The following SUPT3H variants were observed in gnomAD, a reference collection of about 807,000 sequenced individuals.
The protein encoded by SUPT3H is SPT3 homolog, SAGA and STAGA complex component.
SUPT3H carries 44 observed loss-of-function variants against 44.3 expected under a neutral mutation model. That is an observed-to-expected ratio of 0.99 (90% CI 0.78 to 1.28). The LOEUF is 1.28. Ranked by LOEUF, SUPT3H falls within the 50% of genes most tolerant of loss-of-function variation. SUPT3H has a pLI of 0.00. For missense variants in SUPT3H, 380 were observed against 387.1 expected, an observed-to-expected ratio of 0.98 and a Z score of 0.15; for synonymous variants, 124 against 125.6, an observed-to-expected ratio of 0.99 and a Z score of 0.09.
chr6:45,251,395 G>GCACACACA lies in SUPT3H; in HGVS notation c.101+113798_101+113805dup, dbSNP rs70996313. On this transcript the variant is annotated intron_variant, in intron 2 of 10. Coordinates refer to ENST00000371459, the MANE Select transcript of SUPT3H (RefSeq NM_003599.4). Reference sequence around the variant, plus strand: ...TTCTAAATGACTAAGAAGAGAAGCTGCACACACACACACACACACACACAC... The same window carrying GCACACACA: ...TTCTAAATGACTAAGAAGAGAAGCTGCACACACACACACACACACACACACACACACAC... 1.0e-3 allele frequency among the ~76,000 whole-genome samples: 146 copies of GCACACACA among 144,970 alleles called. 2 individuals are homozygous for GCACACACA. The highest frequency in any genetic ancestry group is 9.8e-3 in the South Asian group (44 of 4,490).
intron 2 of SUPT3H, among the ~76,000 whole-genome samples, chr6:45,126,384 C>T (rs988860646): frequency 3.3e-5 from 5 of 152,106 alleles, no homozygotes; most frequent in Non-Finnish European, 5.9e-5. Flanking sequence ...CTTTGGACTC[C>T]TTTAGAACTG....
intron 2 of SUPT3H, among the ~76,000 whole-genome samples, chr6:45,255,259 G>C (rs1309911641): frequency 6.6e-6 from 1 of 152,146 alleles, no homozygotes; most frequent in East Asian, 1.9e-4. Context: ...CGGATAATGG[G>C]GGACTATGAT....
At chr6:45,327,161 A>C (rs1584927076) in intron 2 of SUPT3H, among the ~76,000 whole-genome samples, 1 of 151,950 alleles carries the variant, frequency 6.6e-6, no homozygotes, top group African/African-American at 2.4e-5. Context: ...GATGTTTCCA[A>C]TTTTCTTCTG....
intron 10 of SUPT3H, among the ~76,000 whole-genome samples, chr6:44,909,726 A>C (rs747900929): frequency 3.0e-4 from 45 of 152,158 alleles, no homozygotes; most frequent in Non-Finnish European, 4.1e-4. Flanking sequence ...CAAGGCCTGT[A>C]GGTAAGGGCT....
At chr6:45,183,470 T>C (rs1334290123) in intron 2 of SUPT3H, among the ~76,000 whole-genome samples, 2 of 152,172 alleles carry the variant, frequency 1.3e-5, no homozygotes, top group Non-Finnish European at 2.9e-5. Flanking sequence ...GAAGGTAAAG[T>C]GGGAGCAGGT....
At chr6:45,365,610 T>A (rs1208469389) in intron 1 of SUPT3H, among the ~76,000 whole-genome samples, 2 of 149,510 alleles carry the variant, frequency 1.3e-5, no homozygotes, top group Non-Finnish European at 3.0e-5. Flanking sequence ...TCATTGGTTT[T>A]CAAAATGTGC....
At chr6:45,117,445 CTAATAAT>C in intron 2 of SUPT3H, among the ~76,000 whole-genome samples, 1 of 152,140 alleles carries the variant, frequency 6.6e-6, no homozygotes, top group Non-Finnish European at 1.5e-5. Flanking sequence ...ATGCAAGTTC[CTAATAAT>C]TATAGATTCC....
chr6:45,217,283 T>C (rs940198330), intron 2 of SUPT3H, among the ~76,000 whole-genome samples: 1 of 151,910 alleles, frequency 6.6e-6, no homozygotes, highest in Non-Finnish European at 1.5e-5. Context: ...AAGACCAACC[T>C]GACCAACATG....
intron 3 of SUPT3H, among the ~76,000 whole-genome samples, chr6:45,073,501 T>C (rs1794651245): frequency 6.6e-6 from 1 of 152,042 alleles, no homozygotes; most frequent in Non-Finnish European, 1.5e-5. Context: ...TGTCAGTTTA[T>C]GGCGAACTGA....
At position 44,887,302 on chromosome 6, in the gene SUPT3H, C is replaced by G. The variant is rs530972191; in HGVS notation, c.912+45351G>C. ...ATCTACAGAACTCCCCACTGCAAAT[C>G]AACAGAATATACATTTTTTTCAGCA... On this transcript the variant is annotated intron_variant, in intron 10 of 10. Coordinates refer to ENST00000371459, the MANE Select transcript of SUPT3H (RefSeq NM_003599.4). 2.2e-3 allele frequency among the ~76,000 whole-genome samples: 330 copies of G among 152,284 alleles called. 1 individual carries two copies. The highest frequency in any genetic ancestry group is 7.6e-3 in the African/African-American group (316 of 41,558).
chr6:45,256,411 G>A (rs1773415981), intron 2 of SUPT3H, among the ~76,000 whole-genome samples: 1 of 152,106 alleles, frequency 6.6e-6, no homozygotes, highest in South Asian at 2.1e-4. Context: ...AAGGGGTAAA[G>A]GCTCCCTCAA....
chr6:45,122,655 T>C (rs529325918), intron 2 of SUPT3H, among the ~76,000 whole-genome samples: 1 of 152,240 alleles, frequency 6.6e-6, no homozygotes, highest in South Asian at 2.1e-4. Flanking sequence ...GAAGACAGAA[T>C]TGCTCCTACT....
intron 2 of SUPT3H, among the ~76,000 whole-genome samples, chr6:45,204,846 T>C (rs1027486133): frequency 1.3e-5 from 2 of 152,188 alleles, no homozygotes; most frequent in African/African-American, 4.8e-5. Flanking sequence ...CTATTATTAT[T>C]CCTTTCTTAC....
intron 6 of SUPT3H, among the ~76,000 whole-genome samples, chr6:44,997,427 T>C (rs1055984354): frequency 1.3e-5 from 2 of 151,862 alleles, no homozygotes; most frequent in African/African-American, 4.8e-5. Flanking sequence ...TTATTCTGAT[T>C]GACACTGTCT....
chr6:44,895,037 A>T (rs1763904029), intron 10 of SUPT3H, among the ~76,000 whole-genome samples: 1 of 152,016 alleles, frequency 6.6e-6, no homozygotes, highest in African/African-American at 2.4e-5. Flanking sequence ...AGAAATGGTA[A>T]TAACCCATTA....
At chr6:44,863,584 T>C (rs1315991487) in intron 10 of SUPT3H, among the ~76,000 whole-genome samples, 2 of 151,890 alleles carry the variant, frequency 1.3e-5, no homozygotes, top group African/African-American at 4.8e-5. Flanking sequence ...AGTGGAGTCT[T>C]TGAGGAACAG....
intron 2 of SUPT3H, among the ~76,000 whole-genome samples, chr6:45,238,082 C>T (rs1481649758): frequency 6.6e-6 from 1 of 152,172 alleles, no homozygotes; most frequent in African/African-American, 2.4e-5. Flanking sequence ...GCATGTTAAA[C>T]AGTCCAACAA....
Position 45,040,222 on chromosome 6 carries a change from T to C in SUPT3H, c.187-19590A>G, listed in dbSNP as rs1032069423. 2.0e-5 allele frequency among the ~76,000 whole-genome samples: 3 copies of C among 152,214 alleles called. No homozygotes were observed. In the East Asian group the frequency reaches 5.8e-4, roughly 29 times the overall value. ...GCATGGCTGTGTTCTGACAAAACTC[T>C]ATTTACGAAAATAAGCAAAGGATGC... On this transcript the variant is annotated intron_variant, in intron 3 of 10. Coordinates refer to ENST00000371459, the MANE Select transcript of SUPT3H (RefSeq NM_003599.4).
intron 10 of SUPT3H, among the ~76,000 whole-genome samples, chr6:44,922,251 T>A: frequency 6.6e-6 from 1 of 152,262 alleles, no homozygotes; most frequent in East Asian, 1.9e-4. Context: ...CAAGGCATAA[T>A]TATTTTTTTC....
Sources: gnomAD v4.1 joint callset for allele counts (sites outside exome capture counted in the v4.1 genomes callset) on GRCh38, gnomAD v4.1.1 for gene constraint, MANE v1.5 for transcripts, NCBI Gene and HGNC (gene_info 2026-07-23, HGNC 2026-07-21) for gene names.